UBE2E3: variants seen among roughly 807,000 people sequenced by gnomAD.
The protein encoded by UBE2E3 is ubiquitin-conjugating enzyme E2 E3.
In UBE2E3, 5 loss-of-function variants were observed where a neutral mutation model predicts 23.6. The observed-to-expected ratio is 0.21, with a 90% confidence interval of 0.11 to 0.44. The LOEUF is 0.44. Ranked by LOEUF, UBE2E3 falls within the 20% of genes least tolerant of loss-of-function variation. UBE2E3 has a pLI of 0.99. For synonymous variants in UBE2E3, 78 were observed against 87.5 expected (o/e 0.89, Z 0.60); for missense variants, 81 against 249.8 (o/e 0.32, Z 4.55).
At chr2:181,011,604 C>T (rs929323529) in intron 3 of UBE2E3, among the ~76,000 whole-genome samples, 11 of 152,124 alleles carry the variant, frequency 7.2e-5, no homozygotes, top group Admixed American at 3.9e-4. Context: ...ACTGGCTGCA[C>T]AGGAACGATG....
chr2:180,983,111 T>G (rs1684353643), intron 2 of UBE2E3, among the ~76,000 whole-genome samples: 1 of 152,226 alleles, frequency 6.6e-6, no homozygotes, highest in South Asian at 2.1e-4. Context: ...GTATAATGTT[T>G]ACAGCATTAA....
intron 3 of UBE2E3, among the ~76,000 whole-genome samples, chr2:181,034,378 G>C (rs1231197276): frequency 1.3e-5 from 2 of 152,146 alleles, no homozygotes; most frequent in African/African-American, 4.8e-5. Context: ...TCCTTTGTAG[G>C]GACATGGATG....
chr2:181,043,452 A>T (rs1019156229), intron 3 of UBE2E3, among the ~76,000 whole-genome samples: 2 of 152,188 alleles, frequency 1.3e-5, no homozygotes, highest in Admixed American at 6.5e-5. Flanking sequence ...GGCTTAGTGT[A>T]TAAGATGTAC....
At chr2:180,981,845 TTGTG>T (rs1422663005) in intron 1 of UBE2E3, among the ~76,000 whole-genome samples, 169 bp from the exon 2 acceptor site, 2 of 151,516 alleles carry the variant, frequency 1.3e-5, no homozygotes, top group African/African-American at 4.8e-5. Context: ...AACGCTGGCG[TTGTG>T]TGACACATCA....
At chr2:181,062,175 G>GT (rs3838591) in intron 5 of UBE2E3, among the ~76,000 whole-genome samples, 5,857 of 150,728 alleles carry the variant, frequency 0.039, 313 homozygotes, top group East Asian at 0.19. Flanking sequence ...AAGGAAGATA[G>GT]TTTTTTTTTA....
At chr2:181,018,520 G>A (rs1424578274) in intron 3 of UBE2E3, among the ~76,000 whole-genome samples, 10 of 151,394 alleles carry the variant, frequency 6.6e-5, no homozygotes, top group African/African-American at 2.4e-4. Flanking sequence ...TTTTGTGCCC[G>A]AGGACTCAGG....
At chr2:181,044,103 C>T (rs1301779044) in intron 3 of UBE2E3, among the ~76,000 whole-genome samples, 3 of 152,036 alleles carry the variant, frequency 2.0e-5, no homozygotes, top group Non-Finnish European at 2.9e-5. Flanking sequence ...ATTTCTCCTC[C>T]GATCTAGTGG....
chr2:180,982,321 C>A, intron 2 of UBE2E3, 85 bp downstream of exon 2: 1 of 1,198,208 alleles, frequency 8.3e-7, no homozygotes, highest in Non-Finnish European at 1.2e-6. Flanking sequence ...ACCTCAATAG[C>A]AGTAGTTCAG....
intron 3 of UBE2E3, among the ~76,000 whole-genome samples, chr2:181,033,228 C>A (rs1000278096): frequency 3.3e-5 from 5 of 152,182 alleles, no homozygotes; most frequent in African/African-American, 7.2e-5. Context: ...CCAAGACAAT[C>A]CTAAGCCAAA....
chr2:180,988,864 T>TTGTA (rs1684564522), intron 3 of UBE2E3, among the ~76,000 whole-genome samples: 1 of 152,128 alleles, frequency 6.6e-6, no homozygotes, highest in Admixed American at 6.5e-5. Context: ...TGCTACAAGA[T>TTGTA]TGTATCTCAT....
intron 3 of UBE2E3, among the ~76,000 whole-genome samples, chr2:180,986,193 C>T (rs1331359531): frequency 6.6e-6 from 1 of 152,118 alleles, no homozygotes; most frequent in Non-Finnish European, 1.5e-5. Context: ...CTGCAAATGA[C>T]ATCTTTCAGT....
chr2:181,022,322 T>G (rs1281854166), intron 3 of UBE2E3, among the ~76,000 whole-genome samples: 2 of 152,128 alleles, frequency 1.3e-5, no homozygotes, highest in Non-Finnish European at 2.9e-5. Flanking sequence ...TAAACACAGT[T>G]GATTTTCATT....
chr2:181,007,295 C>A lies in UBE2E3; in HGVS notation c.245+23202C>A, dbSNP rs369996840. On this transcript the variant is annotated intron_variant, in intron 3 of 5. Coordinates refer to ENST00000410062, the MANE Select transcript of UBE2E3 (RefSeq NM_006357.4). ...AAATAGCTTGCTACCTTATCCTTTT[C>A]CCTCATCTGTACAGTAGGTAGTATG... Among the ~76,000 whole-genome samples, 11 of 152,290 alleles carry A rather than the reference C, an allele frequency of 7.2e-5. 1 individual carries two copies. The highest frequency in any genetic ancestry group is 2.6e-4 in the African/African-American group (11 of 41,556).
intron 3 of UBE2E3, among the ~76,000 whole-genome samples, chr2:181,055,918 G>T (rs1270730897): frequency 6.6e-6 from 1 of 151,482 alleles, no homozygotes; most frequent in East Asian, 2.0e-4. Flanking sequence ...ATAAAGTAAT[G>T]GTGTGTTAAG....
chr2:180,982,026 G>C lies in UBE2E3; in HGVS notation c.-17G>C. ...CCTGTTCTCTTTAAAAGTTTTCCAA[G>C]AGATAACTTCACCAAGATGTCCAGT... On this transcript the variant is annotated 5_prime_UTR_variant, in exon 2 of 6. Coordinates refer to ENST00000410062, the MANE Select transcript of UBE2E3 (RefSeq NM_006357.4). 6.3e-7 allele frequency: 1 copy of C among 1,595,792 alleles called. No homozygotes were observed. The highest frequency in any genetic ancestry group is 8.5e-7 in the Non-Finnish European group (1 of 1,173,660).
intron 3 of UBE2E3, among the ~76,000 whole-genome samples, chr2:181,027,753 A>G (rs910707172): frequency 1.3e-5 from 2 of 151,978 alleles, no homozygotes; most frequent in African/African-American, 4.8e-5. Flanking sequence ...AATATAGTTC[A>G]GCTAAGCTTT....
chr2:181,010,345 A>AT (rs1041900786), intron 3 of UBE2E3, among the ~76,000 whole-genome samples: 4 of 151,970 alleles, frequency 2.6e-5, no homozygotes, highest in Admixed American at 6.6e-5. Context: ...AATACAGATT[A>AT]TTTTTTTGGG....
At chr2:181,059,878 A>G (rs1159360640) in intron 4 of UBE2E3, among the ~76,000 whole-genome samples, 1 of 151,446 alleles carries the variant, frequency 6.6e-6, no homozygotes, top group Non-Finnish European at 1.5e-5. Context: ...CTCACAGTAC[A>G]CTGCTAGTTT....
At chr2:180,989,907 T>C in intron 3 of UBE2E3, 3 of 1,549,510 alleles carry the variant, frequency 1.9e-6, no homozygotes, top group Non-Finnish European at 2.6e-6. Context: ...TTGCATAGAG[T>C]GTAAGGACAT....
Sources: allele counts gnomAD v4.1 joint callset (sites outside exome capture counted in the v4.1 genomes callset), GRCh38; gene constraint gnomAD v4.1.1; transcripts MANE v1.5; gene names NCBI Gene and HGNC (gene_info 2026-07-23, HGNC 2026-07-21).